Variants in KIF13B observed in about 807,000 individuals in gnomAD.
The protein encoded by KIF13B is kinesin family member 13B, also known as kinesin-like protein KIF13B.
A neutral mutation model predicts 222.0 loss-of-function variants in KIF13B; 127 were observed. The ratio of observed to expected loss-of-function variants is 0.57; its 90% CI spans 0.50 to 0.66. KIF13B has a LOEUF of 0.66. KIF13B is among the 30% of genes least tolerant of loss of function. The pLI is 0.00. For missense variants in KIF13B, 2,173 were observed against 2,379.0 expected (o/e 0.91, Z 1.80); for synonymous variants, 976 against 919.0 (o/e 1.06, Z -1.12).
chr8:29,216,882 T>C lies in KIF13B; in HGVS notation c.150-20683A>G, dbSNP rs78025803. ...GGCTGAAGCTATGTGAGCTTCAGGT[T>C]CCCCGTGCAAATCTTGCCTAGAGGA... On this transcript the variant is annotated intron_variant, in intron 2 of 39. Transcript: ENST00000524189. 2.3e-3 allele frequency among the ~76,000 whole-genome samples: 357 copies of C among 151,980 alleles called. 2 individuals carry two copies. Among genetic ancestry groups the C allele is most frequent in the African/African-American group, 8.2e-3 (340 of 41,416 alleles).
chr8:29,109,151 T>A (rs1383103588), intron 34 of KIF13B, among the ~76,000 whole-genome samples: 1 of 152,176 alleles, frequency 6.6e-6, no homozygotes, highest in Non-Finnish European at 1.5e-5. Flanking sequence ...TTGGGTTTAG[T>A]TCCACAAACA....
intron 37 of KIF13B, among the ~76,000 whole-genome samples, chr8:29,076,140 A>G (rs1032124677): frequency 1.3e-5 from 2 of 152,184 alleles, no homozygotes; most frequent in African/African-American, 4.8e-5. Context: ...CCAGAGCATC[A>G]TTCTGTTGCT....
chr8:29,219,832 G>A (rs1447962196), intron 2 of KIF13B, among the ~76,000 whole-genome samples: 1 of 151,834 alleles, frequency 6.6e-6, no homozygotes, highest in African/African-American at 2.4e-5. Context: ...GGAGGCCAAG[G>A]CAGGCAGATC....
chr8:29,183,371 C>T (rs1437094664), intron 6 of KIF13B, among the ~76,000 whole-genome samples: 2 of 151,928 alleles, frequency 1.3e-5, no homozygotes, highest in Admixed American at 6.6e-5. Context: ...AGGCTGGTCT[C>T]GAACTCCTGA....
chr8:29,129,280 G>A (rs1240824533), intron 24 of KIF13B, among the ~76,000 whole-genome samples: 2 of 152,172 alleles, frequency 1.3e-5, no homozygotes, highest in South Asian at 2.1e-4. Context: ...CCTTCCAGTA[G>A]ATGAATTTCT....
At chr8:29,247,189 A>C (rs1383712145) in intron 1 of KIF13B, among the ~76,000 whole-genome samples, 1 of 152,156 alleles carries the variant, frequency 6.6e-6, no homozygotes, top group East Asian at 1.9e-4. Context: ...GTTCAAGACC[A>C]GCCTGAGCAA....
At position 29,072,896 on chromosome 8, in the gene KIF13B, G is replaced by T. The variant is rs1284429049; in HGVS notation, c.4522-580C>A. On this transcript the variant is annotated intron_variant, in intron 38 of 39. Transcript: ENST00000524189. ...CCCTGCCCACCCCCAACCTCACGAA[G>T]AGACTGAGTCACTAAAGAGACCAGA... 3.9e-5 allele frequency among the ~76,000 whole-genome samples: 6 copies of T among 152,076 alleles called. No individual in the cohort carries two copies. In the East Asian group the frequency reaches 1.2e-3, roughly 29 times the overall value.
Position 29,171,730 on chromosome 8 carries a change from T to TA in KIF13B, c.946-4146dup, listed in dbSNP as rs529808997. Among the ~76,000 whole-genome samples, 487 of 150,062 alleles carry TA rather than the reference T, an allele frequency of 3.2e-3. 1 individual carries two copies. Among genetic ancestry groups the TA allele is most frequent in the African/African-American group, 5.1e-3 (210 of 40,986 alleles). On this transcript the variant is annotated intron_variant, in intron 10 of 39. Transcript: ENST00000524189. The stretch of plus-strand genomic sequence containing the variant: ...ATCTTCTGTGAAGTCCAAATGACGT[T>TA]AAAAAAAATCATATAATTTTTTTTT...
At chr8:29,143,906 C>A (rs1021984687) in intron 18 of KIF13B, among the ~76,000 whole-genome samples, 1 of 151,558 alleles carries the variant, frequency 6.6e-6, no homozygotes, top group African/African-American at 2.4e-5. Context: ...ATCACACCTC[C>A]CCCCCAAAAA....
chr8:29,115,911 C>A (rs753922859), intron 31 of KIF13B, among the ~76,000 whole-genome samples: 3 of 152,174 alleles, frequency 2.0e-5, no homozygotes, highest in Non-Finnish European at 4.4e-5. Context: ...CTCTGAAGCG[C>A]CCCCACCACC....
chr8:29,202,813 C>A (rs544598907), intron 2 of KIF13B, among the ~76,000 whole-genome samples: 5 of 152,072 alleles, frequency 3.3e-5, no homozygotes, highest in Non-Finnish European at 7.4e-5. Context: ...CACCTGTGGA[C>A]CACTGGAGGC....
Position 29,170,727 on chromosome 8 carries a change from A to G in KIF13B, c.946-3142T>C, listed in dbSNP as rs563264457. On this transcript the variant is annotated intron_variant, in intron 10 of 39. Coordinates refer to ENST00000524189, the MANE Select transcript of KIF13B (RefSeq NM_015254.4). ...CCAAGAAGCACAAGATGAACAATAAAAAAAGTAAAAGGGGTCAGCTCATAA... is the reference window on the plus strand; with the variant it reads ...CCAAGAAGCACAAGATGAACAATAAGAAAAGTAAAAGGGGTCAGCTCATAA... 3.9e-5 allele frequency among the ~76,000 whole-genome samples: 6 copies of G among 152,336 alleles called. No individual in the cohort carries two copies. In the East Asian group the frequency reaches 1.2e-3, roughly 29 times the overall value.
At position 29,071,907 on chromosome 8, in the gene KIF13B, G is replaced by T. The variant is rs554817518; in HGVS notation, c.4931C>A (p.Ser1644Tyr). ...CCGCACCCTCCGGACGCGGAACGGG[G>T]AGCCGGGCGCCGGGGCCTCGAGGTC... ...RPDLEAPAPG[S>Y]PFRVRRVRAS... The change falls in exon 39 of 40, where the codon TCC (serine) becomes TAC (tyrosine). Residue 1644 changes from serine (S) to tyrosine (Y), a missense_variant. Ser to Tyr is a moderately radical substitution (Grantham distance 144). Coordinates refer to ENST00000524189, the MANE Select transcript of KIF13B (RefSeq NM_015254.4). This position sits in a 1 kb window ranked among gnomAD's most constrained non-coding sequence, Gnocchi z 4.9. 78 of 1,456,202 alleles carry T rather than the reference G, an allele frequency of 5.4e-5. 1 individual carries two copies. The Middle Eastern group carries it at 9.0e-4, about 17-fold the overall frequency. The allele number at this position is 1,456,202 out of a possible 1,614,324, so 90.2% of individuals were successfully genotyped here. A position where few individuals can be genotyped will look rare whatever the true frequency, so the allele number is the denominator to read the frequency against.
In KIF13B at chr8:29,151,032, C is replaced by T. The variant is rs113675254; in HGVS notation, c.1536-649G>A. Among the ~76,000 whole-genome samples, 494 of 152,318 alleles carry T rather than the reference C, an allele frequency of 3.2e-3. 2 individuals are homozygous for T. Among genetic ancestry groups the T allele is most frequent in the African/African-American group, 0.011 (440 of 41,574 alleles). Reference sequence around the variant, plus strand: ...CCTCCTGTACCAACAGTTGGCCAAGCTGTGAGTGCACATGAAAAGCTCTTG... The same window carrying T: ...CCTCCTGTACCAACAGTTGGCCAAGTTGTGAGTGCACATGAAAAGCTCTTG... On this transcript the variant is annotated intron_variant, in intron 14 of 39. Coordinates refer to ENST00000524189, the MANE Select transcript of KIF13B (RefSeq NM_015254.4).
chr8:29,174,080 C>G (rs150561985), intron 10 of KIF13B, among the ~76,000 whole-genome samples: 3 of 151,794 alleles, frequency 2.0e-5, no homozygotes, highest in Non-Finnish European at 4.4e-5. Context: ...AACAAATGAA[C>G]GCATCCATCA....
At chr8:29,082,301 A>G (rs550431539) in intron 37 of KIF13B, among the ~76,000 whole-genome samples, 18 of 152,384 alleles carry the variant, frequency 1.2e-4, no homozygotes, top group African/African-American at 4.3e-4. Context: ...TCTATAAGAC[A>G]TTAGATATGT....
chr8:29,147,425 G>A lies in KIF13B; in HGVS notation c.1991C>T (p.Ala664Val). The A allele has an allele frequency of 1.2e-6, 2 of 1,610,238 alleles. No individual in the cohort carries two copies. The highest frequency in any genetic ancestry group is 1.1e-5 in the South Asian group (1 of 90,184). Residue 664 changes from alanine (A) to valine (V), a missense_variant, in exon 17 of 40, where the codon GCT becomes GTT. Ala to Val is a moderately conservative substitution (Grantham distance 64). Transcript: ENST00000524189. Reference protein sequence around the residue: ...MDRFSFHSPSAQQRLRQWAEE... With the variant: ...MDRFSFHSPSVQQRLRQWAEE... Reference sequence around the variant, plus strand: ...AGCCCACTGTCTTAAGCGTTGCTGAGCGCTGGGCGAGTGGAAAGAAAACCT... The same window carrying A: ...AGCCCACTGTCTTAAGCGTTGCTGAACGCTGGGCGAGTGGAAAGAAAACCT...
At chr8:29,137,000 C>A (rs890005517) in intron 21 of KIF13B, among the ~76,000 whole-genome samples, 1 of 151,782 alleles carries the variant, frequency 6.6e-6, no homozygotes, top group African/African-American at 2.4e-5. Flanking sequence ...CGGGGTTTCA[C>A]CATGTTAGCC....
At chr8:29,260,609 TTTTG>T (rs146806252) in intron 1 of KIF13B, among the ~76,000 whole-genome samples, 5,540 of 151,744 alleles carry the variant, frequency 0.037, 160 homozygotes, top group Non-Finnish European at 0.052. Context: ...AGAAATATGG[TTTTG>T]TTTTAGTCTT....
Sources: allele counts gnomAD v4.1 joint callset (sites outside exome capture counted in the v4.1 genomes callset), GRCh38; gene constraint gnomAD v4.1.1; non-coding constraint Gnocchi (gnomAD v3.1); transcripts MANE v1.5; gene names NCBI Gene and HGNC (gene_info 2026-07-23, HGNC 2026-07-21).